Variants in CDH13 observed in about 807,000 individuals in gnomAD.
CDH13 encodes the protein cadherin 13, also known as cadherin-13.
In CDH13, 24 loss-of-function variants were observed where a neutral mutation model predicts 63.8. That is an observed-to-expected ratio of 0.38 (90% confidence interval 0.27 to 0.53). The LOEUF (loss-of-function observed/expected upper bound fraction) is 0.53. CDH13 is among the 20% of genes least tolerant of loss of function. The pLI, the probability that CDH13 is intolerant of heterozygous loss-of-function variation, is 0.85. For synonymous variants in CDH13, 503 were observed against 355.3 expected, an observed-to-expected ratio of 1.42 and a Z score of -4.67; for missense variants, 1,049 against 903.1, an observed-to-expected ratio of 1.16 and a Z score of -2.07.
chr16:83,613,362 A>C (rs1909016937), intron 8 of CDH13, among the ~76,000 whole-genome samples: 1 of 152,112 alleles, frequency 6.6e-6, no homozygotes, highest in South Asian at 2.1e-4. Flanking sequence ...TTTTATCTTC[A>C]CTGGGACCCT....
intron 6 of CDH13, among the ~76,000 whole-genome samples, chr16:83,410,541 G>A (rs1032473137): frequency 1.3e-5 from 2 of 152,070 alleles, no homozygotes; most frequent in African/African-American, 4.8e-5. Flanking sequence ...GTATATTGAA[G>A]GCAATACCCA....
At chr16:82,784,305 G>A (rs1465774527) in intron 1 of CDH13, among the ~76,000 whole-genome samples, 1 of 152,176 alleles carries the variant, frequency 6.6e-6, no homozygotes, top group Non-Finnish European at 1.5e-5. Flanking sequence ...GTATCACGGC[G>A]CAGCATGTGG....
intron 6 of CDH13, among the ~76,000 whole-genome samples, chr16:83,422,802 T>A (rs949390654): frequency 6.6e-6 from 1 of 152,154 alleles, no homozygotes; most frequent in South Asian, 2.1e-4. Context: ...CTCATGAGCC[T>A]GTTTTGATAA....
At chr16:83,566,507 C>CCTCGATT (rs1555574352) in intron 7 of CDH13, among the ~76,000 whole-genome samples, 1 of 151,342 alleles carries the variant, frequency 6.6e-6, no homozygotes, top group Non-Finnish European at 1.5e-5. Context: ...CAGAGCCCCA[C>CCTCGATT]CTCCATTCTC....
In CDH13 at chr16:83,043,334, G is replaced by A. The variant is rs539980211; in HGVS notation, c.366+11116G>A. Among the ~76,000 whole-genome samples, 14 of 152,056 alleles carry A rather than the reference G, an allele frequency of 9.2e-5. No individual in the cohort carries two copies. In the South Asian group the frequency reaches 2.7e-3, roughly 29 times the overall value. On this transcript the variant is annotated intron_variant, in intron 3 of 13. Transcript: ENST00000567109. ...GATAACTAAAAATGGCTTCTTTTTG[G>A]CTTTTGAAAATTCTAAATTTTATTT...
intron 7 of CDH13, among the ~76,000 whole-genome samples, chr16:83,528,786 A>G (rs2075017892): frequency 6.6e-6 from 1 of 152,162 alleles, no homozygotes; most frequent in South Asian, 2.1e-4. Flanking sequence ...TTCTAAATCC[A>G]TGTCTCGTTT....
At chr16:83,738,917 G>C (rs11860529) in intron 10 of CDH13, among the ~76,000 whole-genome samples, 1 of 152,042 alleles carries the variant, frequency 6.6e-6, no homozygotes, top group African/African-American at 2.4e-5. Flanking sequence ...AAACAAAAAG[G>C]GGGGGTTTAG....
intron 1 of CDH13, among the ~76,000 whole-genome samples, chr16:82,747,546 C>G (rs1054292961): frequency 6.6e-6 from 1 of 152,124 alleles, no homozygotes; most frequent in Non-Finnish European, 1.5e-5. Flanking sequence ...AATGCAAATT[C>G]TTGGGTCCTT....
intron 2 of CDH13, among the ~76,000 whole-genome samples, chr16:82,882,464 C>T (rs891813600): frequency 6.6e-6 from 1 of 152,214 alleles, no homozygotes; most frequent in Non-Finnish European, 1.5e-5. Context: ...TCAGGCAGAC[C>T]TGGCCGCTGG....
chr16:82,997,572 G>C (rs896151877), intron 2 of CDH13, among the ~76,000 whole-genome samples: 1 of 152,254 alleles, frequency 6.6e-6, no homozygotes, highest in Admixed American at 6.5e-5. Flanking sequence ...ATCCCACCCA[G>C]TTGTCTCAGC....
chr16:83,646,795 A>G (rs1039856442), intron 8 of CDH13, among the ~76,000 whole-genome samples: 11 of 150,262 alleles, frequency 7.3e-5, no homozygotes, highest in African/African-American at 2.7e-4. Context: ...TTCCCATCCT[A>G]CAGCCTGTTC....
intron 7 of CDH13, among the ~76,000 whole-genome samples, chr16:83,600,732 T>C (rs1754935126): frequency 6.6e-6 from 1 of 152,204 alleles, no homozygotes; most frequent in African/African-American, 2.4e-5. Context: ...CTCTGTGTGA[T>C]GATTAAGAAA....
At chr16:82,658,418 T>G (rs956677876) in intron 1 of CDH13, among the ~76,000 whole-genome samples, 2 of 152,240 alleles carry the variant, frequency 1.3e-5, no homozygotes, top group African/African-American at 2.4e-5. Context: ...TCAACAAGCC[T>G]TGCATACCTG....
At chr16:83,407,130 G>A (rs952954966) in intron 6 of CDH13, among the ~76,000 whole-genome samples, 6 of 152,172 alleles carry the variant, frequency 3.9e-5, no homozygotes, top group South Asian at 4.1e-4. Context: ...AGCCCTCTGG[G>A]AGCAGGAAGA....
chr16:82,975,046 C>G (rs572344577), intron 2 of CDH13, among the ~76,000 whole-genome samples: 62 of 152,306 alleles, frequency 4.1e-4, no homozygotes, highest in African/African-American at 1.4e-3. Context: ...GTCTGCACAC[C>G]CTCGGCATCA....
chr16:83,516,262 C>T (rs563428339), intron 7 of CDH13, among the ~76,000 whole-genome samples: 5 of 152,132 alleles, frequency 3.3e-5, no homozygotes, highest in Admixed American at 1.3e-4. Context: ...GCACTGGAAC[C>T]GTTTGGGGAG....
intron 2 of CDH13, among the ~76,000 whole-genome samples, chr16:83,024,323 A>G (rs985553048): frequency 5.9e-5 from 9 of 152,246 alleles, no homozygotes; most frequent in South Asian, 4.1e-4. Context: ...AACAGGTATT[A>G]TAAATACTAC....
intron 5 of CDH13, among the ~76,000 whole-genome samples, chr16:83,254,254 G>A (rs1450223335): frequency 6.6e-6 from 1 of 152,172 alleles, no homozygotes. Context: ...CTGCTGTATG[G>A]TGCATAAGAA....
chr16:82,809,724 AT>A (rs1375640073), intron 1 of CDH13, among the ~76,000 whole-genome samples: 1 of 152,118 alleles, frequency 6.6e-6, no homozygotes, highest in East Asian at 1.9e-4. Context: ...CCAAGAGGGA[AT>A]TTGGAAATCT....
Sources: gnomAD v4.1 joint callset for allele counts (sites outside exome capture counted in the v4.1 genomes callset) on GRCh38, gnomAD v4.1.1 for gene constraint, MANE v1.5 for transcripts, NCBI Gene and HGNC (gene_info 2026-07-23, HGNC 2026-07-21) for gene names.